The following CCDC91 variants were observed in gnomAD, a reference collection of about 807,000 sequenced individuals.
CCDC91 encodes the protein coiled-coil domain containing 91.
Under a neutral mutation model 63.2 loss-of-function variants are expected in CCDC91, and 48 were observed. That is an observed-to-expected ratio of 0.76 (90% CI 0.60 to 0.97). The LOEUF (loss-of-function observed/expected upper bound fraction) is 0.97, where lower values mean the gene tolerates loss of function less well. Ranked by LOEUF, CCDC91 falls within the 50% of genes least tolerant of loss-of-function variation. The probability of loss-of-function intolerance (pLI) is 0.00; values close to 1 mark genes in which losing one functional copy is unlikely to be tolerated. For synonymous variants in CCDC91, 167 were observed against 165.8 expected (o/e 1.01, Z -0.06); for missense variants, 500 against 494.6 (o/e 1.01, Z -0.10).
At chr12:28,257,930 A>ATTTT (rs71438740) in intron 2 of CCDC91, among the ~76,000 whole-genome samples, 3 of 143,244 alleles carry the variant, frequency 2.1e-5, no homozygotes, top group African/African-American at 2.6e-5. Flanking sequence ...GAATGCTGTG[A>ATTTT]TTTTTTTTTT....
chr12:28,503,946 A>T (rs1428919632), intron 12 of CCDC91, among the ~76,000 whole-genome samples: 1 of 151,704 alleles, frequency 6.6e-6, no homozygotes, highest in Non-Finnish European at 1.5e-5. Context: ...GGGGTGGGGG[A>T]AGGGGGGAGG....
chr12:28,487,842 T>C (rs1251238076), intron 12 of CCDC91, among the ~76,000 whole-genome samples: 1 of 151,834 alleles, frequency 6.6e-6, no homozygotes, highest in Non-Finnish European at 1.5e-5. Flanking sequence ...TTTGTCCTAG[T>C]AGTCTTTCAT....
intron 8 of CCDC91, among the ~76,000 whole-genome samples, chr12:28,411,928 A>T (rs1379840589): frequency 6.6e-6 from 1 of 152,168 alleles, no homozygotes; most frequent in Non-Finnish European, 1.5e-5. Flanking sequence ...CACTCCGATA[A>T]CCCAGACACC....
chr12:28,383,657 T>A (rs1945427513), intron 7 of CCDC91, among the ~76,000 whole-genome samples: 2 of 152,074 alleles, frequency 1.3e-5, no homozygotes, highest in South Asian at 4.1e-4. Flanking sequence ...TTTGAGTAAA[T>A]GAAATTTTTA....
In CCDC91 at chr12:28,506,939, A is replaced by G. The variant is rs558532174; in HGVS notation, c.1215+22774A>G. 2.0e-5 allele frequency among the ~76,000 whole-genome samples: 3 copies of G among 152,016 alleles called. No individual in the cohort carries two copies. The East Asian group carries it at 5.9e-4, about 30-fold the overall frequency. The stretch of plus-strand genomic sequence containing the variant: ...TCAAATCTACCAGTAGTCACATAAA[A>G]CGTAGACATTCTTTATGGGAATCAA... On this transcript the variant is annotated intron_variant, in intron 12 of 12. Coordinates refer to ENST00000536442, the MANE Select transcript of CCDC91 (RefSeq NM_018318.5).
At chr12:28,506,295 T>C (rs1938704212) in intron 12 of CCDC91, among the ~76,000 whole-genome samples, 1 of 151,924 alleles carries the variant, frequency 6.6e-6, no homozygotes, top group Admixed American at 6.6e-5. Context: ...GCCTTAACAG[T>C]GCTCTCATAA....
intron 6 of CCDC91, among the ~76,000 whole-genome samples, chr12:28,350,830 G>A (rs1300175383): frequency 2.0e-5 from 3 of 152,176 alleles, no homozygotes; most frequent in Admixed American, 6.5e-5. Flanking sequence ...TCTTCCCTGT[G>A]TCTCAAATAT....
chr12:28,387,333 A>G (rs1385052544), intron 7 of CCDC91, among the ~76,000 whole-genome samples: 1 of 149,940 alleles, frequency 6.7e-6, no homozygotes, highest in Non-Finnish European at 1.5e-5. Context: ...TTCTTGCCTA[A>G]TCATTTAGCT....
intron 8 of CCDC91, among the ~76,000 whole-genome samples, chr12:28,425,146 C>G (rs1187414360): frequency 2.0e-5 from 3 of 152,138 alleles, no homozygotes; most frequent in Admixed American, 2.0e-4. Context: ...GGTGCACAGC[C>G]AATACATTGT....
At chr12:28,346,479 C>T (rs1942817943) in intron 6 of CCDC91, among the ~76,000 whole-genome samples, 1 of 152,104 alleles carries the variant, frequency 6.6e-6, no homozygotes, top group Admixed American at 6.5e-5. Context: ...AGATGAGTTT[C>T]TGGGCCTATA....
chr12:28,388,896 T>C (rs1945770724), intron 7 of CCDC91, among the ~76,000 whole-genome samples: 1 of 152,134 alleles, frequency 6.6e-6, no homozygotes, highest in Non-Finnish European at 1.5e-5. Flanking sequence ...CCTGAAACTA[T>C]AAAAATTCTG....
chr12:28,340,163 T>G (rs904932111), intron 6 of CCDC91, among the ~76,000 whole-genome samples: 3 of 152,198 alleles, frequency 2.0e-5, no homozygotes, highest in African/African-American at 7.2e-5. Flanking sequence ...TTTAAGAAAC[T>G]ATTGTAAACC....
intron 8 of CCDC91, among the ~76,000 whole-genome samples, chr12:28,408,490 C>T (rs1239046898): frequency 3.3e-5 from 5 of 152,028 alleles, no homozygotes; most frequent in East Asian, 1.9e-4. Context: ...TTCTGACTGG[C>T]GTTGAGATGG....
chr12:28,213,298 C>G (rs956274161), intron 1 of CCDC91, among the ~76,000 whole-genome samples: 2 of 152,202 alleles, frequency 1.3e-5, no homozygotes, highest in Admixed American at 1.3e-4. Context: ...TAACTACACT[C>G]AAGTCTTAGT....
chr12:28,358,515 T>C (rs1943663966), intron 6 of CCDC91, among the ~76,000 whole-genome samples: 1 of 152,210 alleles, frequency 6.6e-6, no homozygotes, highest in Non-Finnish European at 1.5e-5. Context: ...ATATTCAGTG[T>C]CAAGTAAAAT....
intron 8 of CCDC91, among the ~76,000 whole-genome samples, chr12:28,402,158 C>T (rs1363069583): frequency 6.6e-6 from 1 of 152,090 alleles, no homozygotes; most frequent in Non-Finnish European, 1.5e-5. Context: ...TACTTAACAG[C>T]ATCCGTCACG....
At chr12:28,528,288 C>T (rs1445505909) in intron 12 of CCDC91, among the ~76,000 whole-genome samples, 2 of 152,164 alleles carry the variant, frequency 1.3e-5, no homozygotes, top group East Asian at 3.9e-4. Flanking sequence ...CTAGAGCAAG[C>T]CCACAGGGCT....
chr12:28,237,211 A>G (rs1273289843), intron 1 of CCDC91, among the ~76,000 whole-genome samples: 1 of 143,168 alleles, frequency 7.0e-6, no homozygotes, highest in African/African-American at 2.6e-5. Flanking sequence ...TTATGTTAAT[A>G]CATACATACA....
At chr12:28,480,134 T>A (rs1951365669) in intron 11 of CCDC91, among the ~76,000 whole-genome samples, 1 of 152,016 alleles carries the variant, frequency 6.6e-6, no homozygotes, top group Admixed American at 6.6e-5. Flanking sequence ...CAGGTTCTAT[T>A]TTTGCGCTCT....
Sources: allele counts gnomAD v4.1 joint callset (sites outside exome capture counted in the v4.1 genomes callset), GRCh38; gene constraint gnomAD v4.1.1; transcripts MANE v1.5; gene names NCBI Gene and HGNC (gene_info 2026-07-23, HGNC 2026-07-21).